Variants in NTRK3 observed in about 807,000 individuals in gnomAD.
The protein encoded by NTRK3 is NT-3 growth factor receptor.
In NTRK3, 24 loss-of-function variants were observed where a neutral mutation model predicts 91.7. The ratio of observed to expected loss-of-function variants is 0.26; its 90% CI spans 0.19 to 0.37. The LOEUF (loss-of-function observed/expected upper bound fraction) is 0.37, where lower values mean the gene tolerates loss of function less well. NTRK3 is among the 10% of genes least tolerant of loss of function. The probability of loss-of-function intolerance (pLI) is 1.00; values close to 1 mark genes in which losing one functional copy is unlikely to be tolerated. For synonymous variants in NTRK3, 483 were observed against 404.0 expected, an observed-to-expected ratio of 1.20 and a Z score of -2.34; for missense variants, 880 against 1,068.9, an observed-to-expected ratio of 0.82 and a Z score of 2.46.
intron 14 of NTRK3, among the ~76,000 whole-genome samples, chr15:87,993,142 A>C (rs1009691338): frequency 6.6e-6 from 1 of 152,198 alleles, no homozygotes; most frequent in African/African-American, 2.4e-5. Context: ...CCTGGAACCA[A>C]CATCTTCAAG....
chr15:88,126,237 C>T (rs773450708), intron 13 of NTRK3, 34 bp downstream of exon 13: 6 of 1,434,908 alleles, frequency 4.2e-6, no homozygotes, highest in Non-Finnish European at 5.9e-6. Context: ...TGTTTCCCCC[C>T]ATGACGCCCT....
intron 5 of NTRK3, among the ~76,000 whole-genome samples, chr15:88,161,868 G>C (rs903908938): frequency 6.6e-6 from 1 of 152,182 alleles, no homozygotes; most frequent in South Asian, 2.1e-4. Context: ...GGGGGGCTGG[G>C]CATATTCAGG....
intron 13 of NTRK3, 78 bp downstream of exon 13, chr15:88,126,193 G>T: frequency 9.0e-7 from 1 of 1,109,024 alleles, no homozygotes; most frequent in Non-Finnish European, 1.4e-6. Context: ...AGCAATGGGA[G>T]ATTAAAACAG....
intron 5 of NTRK3, among the ~76,000 whole-genome samples, chr15:88,171,010 T>C (rs1314457635): frequency 6.6e-6 from 1 of 152,152 alleles, no homozygotes; most frequent in Non-Finnish European, 1.5e-5. Context: ...GGATGGGAGT[T>C]ATCCTGGGTG....
chr15:87,901,015 C>A (rs530536879), intron 17 of NTRK3, among the ~76,000 whole-genome samples: 5 of 152,162 alleles, frequency 3.3e-5, no homozygotes, highest in Non-Finnish European at 7.4e-5. Context: ...TGCTACTCTA[C>A]AACTGGGTCC....
chr15:87,893,002 G>A (rs951083537), intron 17 of NTRK3, among the ~76,000 whole-genome samples: 1 of 152,194 alleles, frequency 6.6e-6, no homozygotes, highest in African/African-American at 2.4e-5. Flanking sequence ...TTCTGGAAAT[G>A]ACATTGAATG....
intron 17 of NTRK3, among the ~76,000 whole-genome samples, chr15:87,881,175 G>A (rs918589401): frequency 6.6e-6 from 1 of 152,174 alleles, no homozygotes; most frequent in East Asian, 1.9e-4. Context: ...AAAAACATTA[G>A]GGAACTCCTC....
chr15:88,100,041 T>C (rs2050013257), intron 13 of NTRK3, among the ~76,000 whole-genome samples: 1 of 152,144 alleles, frequency 6.6e-6, no homozygotes. Flanking sequence ...TTTAAGCTTG[T>C]TTAATTAAGC....
chr15:88,011,720 A>G (rs1212955889), intron 14 of NTRK3, among the ~76,000 whole-genome samples: 1 of 152,152 alleles, frequency 6.6e-6, no homozygotes, highest in East Asian at 1.9e-4. Flanking sequence ...GACACTTCCC[A>G]CCGCACATTA....
At chr15:87,908,552 G>C in intron 17 of NTRK3, 1 of 399,426 alleles carries the variant, frequency 2.5e-6, no homozygotes, top group Non-Finnish European at 4.4e-6. Context: ...GGCCCTTCTG[G>C]CATGGCCCTT....
chr15:87,941,216 A>C (rs1596331101), intron 14 of NTRK3, among the ~76,000 whole-genome samples: 1 of 152,158 alleles, frequency 6.6e-6, no homozygotes, highest in East Asian at 1.9e-4. Context: ...TTTGAAAAGC[A>C]AATTTTCCAG....
chr15:87,859,923 T>C (rs2064475644), exon 19 of NTRK3: 2 of 185,814 alleles, frequency 1.1e-5, no homozygotes, highest in South Asian at 2.0e-4. Flanking sequence ...CTCTCACTTA[T>C]GATATATTTA....
chr15:88,058,079 A>G (rs1383477848), intron 13 of NTRK3, among the ~76,000 whole-genome samples: 1 of 152,216 alleles, frequency 6.6e-6, no homozygotes, highest in Non-Finnish European at 1.5e-5. Context: ...CTGCAAGCCA[A>G]TCATTCTGCC....
chr15:87,905,736 A>C (rs1185396972), intron 17 of NTRK3, among the ~76,000 whole-genome samples: 1 of 152,092 alleles, frequency 6.6e-6, no homozygotes, highest in Non-Finnish European at 1.5e-5. Flanking sequence ...CACCTCTATT[A>C]TCTATACATA....
chr15:88,090,229 TTTGTTTGTTTA>T (rs1455372390), intron 13 of NTRK3, among the ~76,000 whole-genome samples: 6 of 152,154 alleles, frequency 3.9e-5, no homozygotes, highest in Non-Finnish European at 5.9e-5. Context: ...TATAGGTTCA[TTTGTTTGTTTA>T]TTGTTTGTCT....
chr15:88,099,410 C>T (rs2049953031), intron 13 of NTRK3: 2 of 185,920 alleles, frequency 1.1e-5, no homozygotes, highest in Admixed American at 1.2e-4. Context: ...TCAAGAGAGG[C>T]TGGACAAGGG....
intron 13 of NTRK3, among the ~76,000 whole-genome samples, chr15:88,100,011 A>T (rs2050010931): frequency 5.3e-5 from 8 of 152,142 alleles, no homozygotes. Context: ...ATGGACAGAC[A>T]AAGCTTAAAC....
intron 3 of NTRK3, among the ~76,000 whole-genome samples, chr15:88,208,906 G>A (rs927603388): frequency 6.2e-5 from 6 of 96,268 alleles, no homozygotes; most frequent in African/African-American, 1.2e-4. Context: ...GAGGGCCAAC[G>A]AATTCAACAA....
At chr15:88,042,426 T>A (rs1288020439) in intron 13 of NTRK3, among the ~76,000 whole-genome samples, 1 of 152,178 alleles carries the variant, frequency 6.6e-6, no homozygotes, top group Admixed American at 6.5e-5. Flanking sequence ...CCTCTCTGCC[T>A]CCTCCGGCTT....
Sources: gnomAD v4.1 joint callset for allele counts (sites outside exome capture counted in the v4.1 genomes callset) on GRCh38, gnomAD v4.1.1 for gene constraint, MANE v1.5 for transcripts, NCBI Gene and HGNC (gene_info 2026-07-23, HGNC 2026-07-21) for gene names.